Variants in DNAH10 observed in about 807,000 individuals in gnomAD.
DNAH10 encodes dynein axonemal heavy chain 10.
DNAH10 carries 348 observed loss-of-function variants against 506.6 expected under a neutral mutation model. That is an observed-to-expected ratio of 0.69 (90% CI 0.63 to 0.75). The LOEUF (loss-of-function observed/expected upper bound fraction) is 0.75. Ranked by LOEUF, DNAH10 falls within the 30% of genes least tolerant of loss-of-function variation. DNAH10 has a pLI of 0.00. For synonymous variants in DNAH10, 2,059 were observed against 2,198.6 expected (o/e 0.94, Z 1.78); for missense variants, 5,179 against 5,787.1 (o/e 0.89, Z 3.41).
In DNAH10 at chr12:123,925,530, C is replaced by T. The variant is rs942835973; in HGVS notation, c.11921+326C>T. The T allele has an allele frequency of 4.3e-6, 1 of 230,798 alleles. No individual in the cohort carries two copies. The highest frequency in any genetic ancestry group is 2.3e-5 in the African/African-American group (1 of 44,138). The allele number at this position is 230,798 out of a possible 1,614,324, so 14.3% of individuals were successfully genotyped here. A position where few individuals can be genotyped will look rare whatever the true frequency, so the allele number is the denominator to read the frequency against. On this transcript the variant is annotated intron_variant, in intron 68 of 78. Transcript: ENST00000673944. The surrounding 1 kb of genome is among the most constrained non-coding windows in gnomAD (Gnocchi z 4.0). ...CATTTGAATGTATAATCAATATGAA[C>T]ATGATTGAGACATTTTACATGCTTT...
chr12:123,841,009 T>G (rs1157649058), intron 29 of DNAH10, among the ~76,000 whole-genome samples: 1 of 152,196 alleles, frequency 6.6e-6, no homozygotes, highest in Non-Finnish European at 1.5e-5. Context: ...CCCTTCCGCC[T>G]CCTCCACGTT....
In DNAH10 at chr12:123,928,919, A is replaced by T; in HGVS notation, c.12306+332A>T. On this transcript the variant is annotated intron_variant, in intron 70 of 78. Transcript: ENST00000673944. The surrounding 1 kb of genome is among the most constrained non-coding windows in gnomAD (Gnocchi z 4.9). ...TGACTGCAGGAGTTTCGCGTGGTTT[A>T]CATGCCCCATTTAATTTATTCTCCG... 1 of 459,706 alleles carries T rather than the reference A, an allele frequency of 2.2e-6. No homozygotes were observed. Among genetic ancestry groups the T allele is most frequent in the South Asian group, 3.2e-5 (1 of 31,310 alleles). 28.5% of individuals were successfully genotyped at this position (459,706 alleles called of 1,614,324 possible).
rs118071000 is a variant in DNAH10 at position 123,891,198 on chromosome 12, C to T, written c.8996-2035C>T. On this transcript the variant is annotated intron_variant, in intron 52 of 78. Transcript: ENST00000673944. ...ACTCCAGTCCCTGTCTTCGTTGTCA[C>T]GTGGCCTTCCCCTTGTGTGCTGTCT... 2.1e-3 allele frequency among the ~76,000 whole-genome samples: 319 copies of T among 152,240 alleles called. 1 individual carries two copies. Among genetic ancestry groups the T allele is most frequent in the Non-Finnish European group, 3.6e-3 (248 of 68,022 alleles).
In DNAH10 at chr12:123,926,480, A is replaced by G. The variant is rs914978058; in HGVS notation, c.11922-157A>G. On this transcript the variant is annotated intron_variant, in intron 68 of 78. Coordinates refer to ENST00000673944, the MANE Select transcript of DNAH10 (RefSeq NM_001372106.1). This position sits in a 1 kb window ranked among gnomAD's most constrained non-coding sequence, Gnocchi z 4.1. ...CATCAGGGTGGGAGACGTGCATAGA[A>G]ACTAGAATCTAAAACAGGGAAGACT... 2 of 753,386 alleles carry G rather than the reference A, an allele frequency of 2.7e-6. No homozygotes were observed. Among genetic ancestry groups the G allele is most frequent in the African/African-American group, 3.6e-5 (2 of 55,820 alleles). 46.7% of individuals were successfully genotyped at this position (753,386 alleles called of 1,614,324 possible).
chr12:123,869,030 G>A (rs1180696530), intron 43 of DNAH10, among the ~76,000 whole-genome samples: 1 of 152,158 alleles, frequency 6.6e-6, no homozygotes, highest in East Asian at 1.9e-4. Flanking sequence ...CTCATCTTGG[G>A]GGCCTGAATG....
intron 5 of DNAH10, among the ~76,000 whole-genome samples, chr12:123,775,886 C>T (rs1415090591): frequency 6.6e-6 from 1 of 152,164 alleles, no homozygotes; most frequent in African/African-American, 2.4e-5. Context: ...AATTGAGTCA[C>T]AGTTCTGCAT....
At chr12:123,808,074 C>T (rs550408234) in intron 18 of DNAH10, among the ~76,000 whole-genome samples, 1 of 107,210 alleles carries the variant, frequency 9.3e-6, no homozygotes, top group Non-Finnish European at 1.9e-5. Context: ...ACTCTGTCAC[C>T]AAGGCTGGAG....
At chr12:123,807,503 G>T (rs1435814678) in intron 18 of DNAH10, among the ~76,000 whole-genome samples, 1 of 152,100 alleles carries the variant, frequency 6.6e-6, no homozygotes, top group African/African-American at 2.4e-5. Context: ...GAGCTGAAAC[G>T]GGGAAGAGCT....
chr12:123,780,368 G>A (rs1957601152), intron 5 of DNAH10, among the ~76,000 whole-genome samples: 1 of 151,802 alleles, frequency 6.6e-6, no homozygotes, highest in Admixed American at 6.6e-5. Flanking sequence ...GTTTCACCAT[G>A]TTGGCCAGGC....
chr12:123,929,660 C>CA lies in DNAH10; in HGVS notation c.12517-2dup. ...TATAACTGAGCGTGTTCTCTTCTTT[C>CA]AAGGTCTGCATGGAAATTCTGAACA... On this transcript the variant is annotated splice_region_variant and splice_polypyrimidine_tract_variant and intron_variant, in intron 71 of 78. Coordinates refer to ENST00000673944, the MANE Select transcript of DNAH10 (RefSeq NM_001372106.1). 6.2e-7 allele frequency: 1 copy of CA among 1,611,986 alleles called. No homozygotes were observed. The highest frequency in any genetic ancestry group is 8.5e-7 in the Non-Finnish European group (1 of 1,179,002).
chr12:123,863,432 G>A (rs188217585), intron 39 of DNAH10, among the ~76,000 whole-genome samples: 15 of 152,292 alleles, frequency 9.8e-5, no homozygotes, highest in Admixed American at 7.2e-4. Context: ...AAATAACTGG[G>A]TGGCTTGAAA....
chr12:123,809,978 C>G (rs1459551915), intron 19 of DNAH10, among the ~76,000 whole-genome samples: 1 of 152,136 alleles, frequency 6.6e-6, no homozygotes, highest in Non-Finnish European at 1.5e-5. Flanking sequence ...CCCGTCACCC[C>G]CCTCCCATCT....
Position 123,931,972 on chromosome 12 carries a change from A to T in DNAH10, c.13160A>T (p.Glu4387Val). 1 of 1,614,058 alleles carries T rather than the reference A, an allele frequency of 6.2e-7. No individual in the cohort carries two copies. The highest frequency in any genetic ancestry group is 1.3e-5 in the African/African-American group (1 of 75,052). ...ALAGEVGMSN[E>V]LDDVARSLFI... ...GCTGGAGAAGTTGGAATGAGCAATG[A>T]GTTAGATGATGTGGCCAGGTCTCTT... is the stretch of plus-strand genomic sequence containing the variant. Residue 4387 changes from glutamate to valine, a missense_variant, in exon 76 of 79, where the codon GAG becomes GTG. Glu to Val is a moderately radical substitution (Grantham distance 121). This residue lies in a region of DNAH10 where 4,844 missense variants were observed against 5,430.5 expected (regional missense o/e 0.89). Coordinates refer to ENST00000673944, the MANE Select transcript of DNAH10 (RefSeq NM_001372106.1).
chr12:123,875,297 T>C lies in DNAH10; in HGVS notation c.8005T>C (p.Tyr2669His), dbSNP rs1952209127. The C allele has an allele frequency of 1.2e-6, 2 of 1,613,258 alleles. No homozygotes were observed. The highest frequency in any genetic ancestry group is 1.3e-5 in the African/African-American group (1 of 74,914). Residue 2669 changes from tyrosine (Y) to histidine (H), a missense_variant, in exon 47 of 79, where the codon TAT becomes CAT. By Grantham distance (83) the Tyr-to-His change is moderately conservative. This residue lies in a region of DNAH10 where 4,844 missense variants were observed against 5,430.5 expected (regional missense o/e 0.89). Transcript: ENST00000673944. ...GCTGCTGTTGGAAAAAGGCTACTTA[T>C]ATGACCGTGGGAAGGAGCTGAACTG... is the stretch of plus-strand genomic sequence containing the variant. ...LKLLLEKGYLYDRGKELNCKS... is the reference protein window; with the variant it reads ...LKLLLEKGYLHDRGKELNCKS...
At chr12:123,843,600 C>G (rs1950846818) in intron 30 of DNAH10, among the ~76,000 whole-genome samples, 1 of 151,066 alleles carries the variant, frequency 6.6e-6, no homozygotes, top group Non-Finnish European at 1.5e-5. Context: ...TTTATTGAGA[C>G]AGAGTCTCGC....
intron 18 of DNAH10, among the ~76,000 whole-genome samples, chr12:123,807,916 GAGAGAGA>G (rs1958758516): frequency 1.8e-4 from 1 of 5,522 alleles, no homozygotes; most frequent in African/African-American, 6.5e-4. Flanking sequence ...GGAGAGAGAG[GAGAGAGA>G]AGGGGAGGGA....
In DNAH10 at chr12:123,926,550, G is replaced by C; in HGVS notation, c.11922-87G>C. 1.4e-6 allele frequency: 2 copies of C among 1,419,306 alleles called. No individual in the cohort carries two copies. The highest frequency in any genetic ancestry group is 1.9e-6 in the Non-Finnish European group (2 of 1,048,762). The allele number at this position is 1,419,306 out of a possible 1,614,324, so 87.9% of individuals were successfully genotyped here. A position where few individuals can be genotyped will look rare whatever the true frequency, so the allele number is the denominator to read the frequency against. On this transcript the variant is annotated intron_variant, in intron 68 of 78. Coordinates refer to ENST00000673944, the MANE Select transcript of DNAH10 (RefSeq NM_001372106.1). The surrounding 1 kb of genome is among the most constrained non-coding windows in gnomAD (Gnocchi z 4.1). Reference sequence around the variant, plus strand: ...GAGTGGTCAGAAGGTTCTGGACACCGGAGGAGGCAGCGCTGATCAGACAGA... The same window carrying C: ...GAGTGGTCAGAAGGTTCTGGACACCCGAGGAGGCAGCGCTGATCAGACAGA...
intron 48 of DNAH10, 98 bp downstream of exon 48, chr12:123,878,006 T>C (rs1207952257): frequency 2.1e-6 from 3 of 1,404,384 alleles, no homozygotes; most frequent in Non-Finnish European, 2.9e-6. Context: ...GATGAATCGT[T>C]GTATGAATTA....
In DNAH10 at chr12:123,907,221, G is replaced by A. The variant is rs936883694; in HGVS notation, c.9816-2040G>A. On this transcript the variant is annotated intron_variant, in intron 57 of 78. Coordinates refer to ENST00000673944, the MANE Select transcript of DNAH10 (RefSeq NM_001372106.1). This position sits in a 1 kb window ranked among gnomAD's most constrained non-coding sequence, Gnocchi z 4.4. ...GGGACCTGACCTAGTCATGGTCATG[G>A]AGGGCGGAGGGGGCACCTTCTCTGA... Among the ~76,000 whole-genome samples, 2 of 152,224 alleles carry A rather than the reference G, an allele frequency of 1.3e-5. No homozygotes were observed. The highest frequency in any genetic ancestry group is 2.9e-5 in the Non-Finnish European group (2 of 68,042).
Sources: allele counts gnomAD v4.1 joint callset (sites outside exome capture counted in the v4.1 genomes callset), GRCh38; gene constraint gnomAD v4.1.1; regional missense constraint gnomAD v4.1.1; non-coding constraint Gnocchi (gnomAD v3.1); transcripts MANE v1.5; gene names NCBI Gene and HGNC (gene_info 2026-07-23, HGNC 2026-07-21).